TNNI3K: variants seen among roughly 807,000 people sequenced by gnomAD.
The protein encoded by TNNI3K is TNNI3 interacting kinase, also known as serine/threonine-protein kinase TNNI3K.
TNNI3K carries 140 observed loss-of-function variants against 114.5 expected under a neutral mutation model. The observed-to-expected ratio is 1.22, with a 90% CI of 1.07 to 1.41. The LOEUF is 1.41. TNNI3K is among the 40% of genes most tolerant of loss of function. TNNI3K has a pLI of 0.00. For missense variants in TNNI3K, 1,125 were observed against 1,007.6 expected, an observed-to-expected ratio of 1.12 and a Z score of -1.58; for synonymous variants, 347 against 347.5, an observed-to-expected ratio of 1.00 and a Z score of 0.02.
intron 23 of TNNI3K, among the ~76,000 whole-genome samples, chr1:74,536,536 T>C (rs1375269555): frequency 6.6e-6 from 1 of 152,188 alleles, no homozygotes; most frequent in Admixed American, 6.6e-5. Context: ...TTTATATTTA[T>C]GTATACATCA....
chr1:74,451,689 T>TTTCTA lies in TNNI3K; in HGVS notation c.2012-11751_2012-11750insTCTAT, dbSNP rs1431751183. ...TTTCTTTTCTTTTCTTTTCTTTTCT[T>TTTCTA]TCTTTCTTTCTTTCTTTCTTTCTTT... On this transcript the variant is annotated intron_variant, in intron 20 of 24. Coordinates refer to ENST00000326637, the MANE Select transcript of TNNI3K (RefSeq NM_015978.3). Among the ~76,000 whole-genome samples, 199 of 65,282 alleles carry TTTCTA rather than the reference T, an allele frequency of 3.0e-3. 2 individuals are homozygous for TTTCTA. Among genetic ancestry groups the TTTCTA allele is most frequent in the African/African-American group, 0.011 (190 of 17,032 alleles). The allele number at this position is 65,282 out of a possible 152,430, so 42.8% of individuals were successfully genotyped here. A position where few individuals can be genotyped will look rare whatever the true frequency, so the allele number is the denominator to read the frequency against.
chr1:74,408,136 A>T (rs1465061083), intron 17 of TNNI3K, among the ~76,000 whole-genome samples: 1 of 152,176 alleles, frequency 6.6e-6, no homozygotes, highest in Admixed American at 6.5e-5. Flanking sequence ...TAATAGCTAG[A>T]TGTGAGCACC....
intron 4 of TNNI3K, among the ~76,000 whole-genome samples, chr1:74,258,797 A>G (rs1303841744): frequency 6.6e-6 from 1 of 152,212 alleles, no homozygotes; most frequent in Non-Finnish European, 1.5e-5. Context: ...AATGGTTTTC[A>G]ATGTAATGTG....
At chr1:74,307,364 G>A (rs1306269025) in intron 5 of TNNI3K, among the ~76,000 whole-genome samples, 1 of 152,100 alleles carries the variant, frequency 6.6e-6, no homozygotes, top group East Asian at 1.9e-4. Flanking sequence ...CCAACTTTAT[G>A]CTATATTCAA....
intron 17 of TNNI3K, among the ~76,000 whole-genome samples, chr1:74,396,460 C>T (rs1472686163): frequency 6.6e-6 from 1 of 152,128 alleles, no homozygotes; most frequent in African/African-American, 2.4e-5. Context: ...AAGATCACCT[C>T]GGTTTATCAG....
intron 20 of TNNI3K, among the ~76,000 whole-genome samples, chr1:74,457,655 A>T (rs897290548): frequency 1.3e-5 from 2 of 152,222 alleles, no homozygotes; most frequent in Non-Finnish European, 2.9e-5. Flanking sequence ...AAAACTTACT[A>T]ACAAAATATT....
rs745581474 is a variant in TNNI3K at position 74,461,482 on chromosome 1, G to GAAA, written c.2012-1944_2012-1942dup. 4.7e-3 allele frequency among the ~76,000 whole-genome samples: 350 copies of GAAA among 74,082 alleles called. 3 individuals carry two copies. The highest frequency in any genetic ancestry group is 0.035 in the Middle Eastern group (4 of 114). 48.6% of individuals were successfully genotyped at this position (74,082 alleles called of 152,430 possible). On this transcript the variant is annotated intron_variant, in intron 20 of 24. Transcript: ENST00000326637. ...GTGACACAGTGAGACTCTGTCTCGAGAAAAAAAAAAAAAAAAAGAGTAACC... is the reference window on the plus strand; with the variant it reads ...GTGACACAGTGAGACTCTGTCTCGAGAAAAAAAAAAAAAAAAAAAAGAGTAACC...
At chr1:74,341,046 T>C (rs768858232) in intron 7 of TNNI3K, among the ~76,000 whole-genome samples, 10 of 152,300 alleles carry the variant, frequency 6.6e-5, no homozygotes, top group Non-Finnish European at 7.4e-5. Context: ...TTTACAAATA[T>C]AGCAGCTACA....
chr1:74,532,097 G>T (rs749197199), intron 23 of TNNI3K, among the ~76,000 whole-genome samples: 4 of 152,130 alleles, frequency 2.6e-5, no homozygotes, highest in Non-Finnish European at 5.9e-5. Context: ...GCTGTGTTTA[G>T]GAAGATGAAT....
intron 20 of TNNI3K, among the ~76,000 whole-genome samples, chr1:74,446,919 T>A (rs1307159992): frequency 7.5e-6 from 1 of 134,204 alleles, no homozygotes; most frequent in Non-Finnish European, 1.6e-5. Flanking sequence ...TTGGTACCAG[T>A]ACCATGCTGT....
intron 2 of TNNI3K, among the ~76,000 whole-genome samples, chr1:74,237,579 T>G (rs2100822600): frequency 6.6e-6 from 1 of 152,116 alleles, no homozygotes; most frequent in Admixed American, 6.5e-5. Flanking sequence ...TATCCAAACC[T>G]GAATATTAGG....
chr1:74,472,268 G>T (rs562510116), intron 21 of TNNI3K: 4 of 688,474 alleles, frequency 5.8e-6, no homozygotes, highest in Non-Finnish European at 1.1e-5. Flanking sequence ...AAACAGATGC[G>T]TAGAAACCTT....
At chr1:74,237,970 T>C (rs1312684902) in intron 2 of TNNI3K, among the ~76,000 whole-genome samples, 1 of 151,892 alleles carries the variant, frequency 6.6e-6, no homozygotes, top group Non-Finnish European at 1.5e-5. Flanking sequence ...AATTCTGGAA[T>C]GTGATTTGTG....
At chr1:74,283,052 G>T (rs993847052) in intron 5 of TNNI3K, among the ~76,000 whole-genome samples, 2 of 152,096 alleles carry the variant, frequency 1.3e-5, no homozygotes, top group South Asian at 4.1e-4. Context: ...TCCATACTTG[G>T]TTTTTGTAGT....
intron 17 of TNNI3K, among the ~76,000 whole-genome samples, chr1:74,413,943 G>A (rs1371298333): frequency 1.3e-5 from 2 of 152,136 alleles, no homozygotes; most frequent in African/African-American, 2.4e-5. Context: ...TACATATCAT[G>A]CATTGGATTT....
chr1:74,437,918 G>A (rs1193002489), intron 19 of TNNI3K, among the ~76,000 whole-genome samples: 1 of 151,722 alleles, frequency 6.6e-6, no homozygotes, highest in Non-Finnish European at 1.5e-5. Context: ...AAAGCAGTTA[G>A]TTGAGACTCT....
intron 17 of TNNI3K, among the ~76,000 whole-genome samples, chr1:74,425,391 G>A (rs1665587535): frequency 6.6e-6 from 1 of 152,052 alleles, no homozygotes; most frequent in Non-Finnish European, 1.5e-5. Context: ...GAAAAATTAA[G>A]GTTTTAAGTC....
chr1:74,257,661 C>CCTTTTTTTT lies in TNNI3K; in HGVS notation c.333+6892_333+6893insCTTTTTTTT, dbSNP rs763279460. On this transcript the variant is annotated intron_variant, in intron 4 of 24. Coordinates refer to ENST00000326637, the MANE Select transcript of TNNI3K (RefSeq NM_015978.3). ...GTTTGAACTTAGCCTCTTGGCTTAC[C>CCTTTTTTTT]TCTTTTTTTTTTTTTTTTTTTTTTT... Among the ~76,000 whole-genome samples, 6 of 78,590 alleles carry CCTTTTTTTT rather than the reference C, an allele frequency of 7.6e-5. 2 individuals are homozygous for CCTTTTTTTT. The highest frequency in any genetic ancestry group is 1.8e-4 in the Non-Finnish European group (6 of 32,528). 51.6% of individuals were successfully genotyped at this position (78,590 alleles called of 152,430 possible). A position where few individuals can be genotyped will look rare whatever the true frequency, so the allele number is the denominator to read the frequency against.
Position 74,444,700 on chromosome 1 carries a change from A to T in TNNI3K, c.2011+5078A>T, listed in dbSNP as rs202079433. On this transcript the variant is annotated intron_variant, in intron 20 of 24. Coordinates refer to ENST00000326637, the MANE Select transcript of TNNI3K (RefSeq NM_015978.3). ...AAAAAATTTAAATTCATATGGAACC[A>T]AAAAAGAGCCCATATAGCCAAGACA... Among the ~76,000 whole-genome samples the T allele has an allele frequency of 2.6e-5, 4 of 152,188 alleles. No individual in the cohort carries two copies. In the East Asian group the frequency reaches 7.7e-4, roughly 29 times the overall value.
Sources: allele counts gnomAD v4.1 joint callset (sites outside exome capture counted in the v4.1 genomes callset), GRCh38; gene constraint gnomAD v4.1.1; transcripts MANE v1.5; gene names NCBI Gene and HGNC (gene_info 2026-07-23, HGNC 2026-07-21).